The following SND1 variants were observed in gnomAD, a reference collection of about 807,000 sequenced individuals.
SND1 encodes the protein staphylococcal nuclease domain-containing protein 1.
A neutral mutation model predicts 121.7 loss-of-function variants in SND1; 38 were observed. The ratio of observed to expected loss-of-function variants is 0.31; its 90% CI spans 0.24 to 0.41. The LOEUF (loss-of-function observed/expected upper bound fraction) is 0.41, where lower values mean the gene tolerates loss of function less well. SND1 is among the 10% of genes least tolerant of loss of function. The pLI, the probability that SND1 is intolerant of heterozygous loss-of-function variation, is 1.00. For missense variants in SND1, 868 were observed against 1,184.6 expected (o/e 0.73, Z 3.92); for synonymous variants, 401 against 447.4 (o/e 0.90, Z 1.31).
chr7:127,860,868 G>A (rs1356893502), intron 12 of SND1, among the ~76,000 whole-genome samples: 2 of 152,164 alleles, frequency 1.3e-5, no homozygotes, highest in Admixed American at 6.5e-5. Context: ...AATGTCAGTT[G>A]GTGGGTTTAT....
rs558284955 is a variant in SND1, at chr7:127,889,429, T to G, written c.1454+1417T>G. 2.6e-5 allele frequency among the ~76,000 whole-genome samples: 4 copies of G among 152,186 alleles called. No individual in the cohort carries two copies. The South Asian group carries it at 8.3e-4, about 32-fold the overall frequency. The stretch of plus-strand genomic sequence containing the variant: ...ATGTATTTATGGGTTACATAAGATG[T>G]TTTGATACAGGCATGCAATGCGTAA... On this transcript the variant is annotated intron_variant, in intron 13 of 23. Coordinates refer to ENST00000354725, the MANE Select transcript of SND1 (RefSeq NM_014390.4).
chr7:127,748,735 A>G (rs1185179768), intron 10 of SND1, among the ~76,000 whole-genome samples: 1 of 152,204 alleles, frequency 6.6e-6, no homozygotes, highest in Non-Finnish European at 1.5e-5. Context: ...AGGCAGGAGA[A>G]AGTGTTTCAG....
At chr7:127,808,600 A>G (rs1174790818) in intron 11 of SND1, among the ~76,000 whole-genome samples, 1 of 152,230 alleles carries the variant, frequency 6.6e-6, no homozygotes, top group East Asian at 1.9e-4. Context: ...GAAGTTGGAC[A>G]TAAGGTAAAA....
At chr7:127,890,208 A>G (rs1322540654) in intron 13 of SND1, among the ~76,000 whole-genome samples, 2 of 152,064 alleles carry the variant, frequency 1.3e-5, no homozygotes, top group African/African-American at 4.8e-5. Context: ...TCTTTTGGAT[A>G]TAAGCCATTT....
chr7:127,730,729 G>A (rs1796660123), intron 10 of SND1, among the ~76,000 whole-genome samples: 1 of 152,096 alleles, frequency 6.6e-6, no homozygotes. Flanking sequence ...CAGATCTGTT[G>A]CTAACTAAAT....
chr7:127,835,608 G>T (rs1247073553), intron 11 of SND1, among the ~76,000 whole-genome samples: 1 of 152,074 alleles, frequency 6.6e-6, no homozygotes, highest in Non-Finnish European at 1.5e-5. Context: ...TGTATTAAAA[G>T]TAGGTATTGG....
chr7:127,777,601 G>T (rs1310519752), intron 10 of SND1, among the ~76,000 whole-genome samples: 1 of 152,174 alleles, frequency 6.6e-6, no homozygotes, highest in African/African-American at 2.4e-5. Context: ...TTACATTATT[G>T]ATTTCCAAAA....
At chr7:127,903,515 T>C (rs552836910) in intron 13 of SND1, among the ~76,000 whole-genome samples, 1 of 152,144 alleles carries the variant, frequency 6.6e-6, no homozygotes, top group East Asian at 1.9e-4. Flanking sequence ...AGGAAAACTT[T>C]TGTTGTTTCT....
At chr7:127,844,140 T>C (rs578117403) in intron 11 of SND1, among the ~76,000 whole-genome samples, 184 bp from the exon 12 acceptor site, 2 of 152,242 alleles carry the variant, frequency 1.3e-5, no homozygotes, top group Non-Finnish European at 2.9e-5. Flanking sequence ...ATTAGTTATG[T>C]CTTTTGCCAA....
intron 15 of SND1, among the ~76,000 whole-genome samples, chr7:127,967,112 T>G (rs560159387): frequency 2.7e-4 from 41 of 152,278 alleles, no homozygotes; most frequent in Admixed American, 2.5e-3. Flanking sequence ...TCAGTCACCC[T>G]CGGTTTCCCC....
chr7:128,066,208 G>T (rs1046647345), intron 16 of SND1, among the ~76,000 whole-genome samples: 3 of 152,182 alleles, frequency 2.0e-5, no homozygotes, highest in Non-Finnish European at 2.9e-5. Flanking sequence ...TCATCCCTGA[G>T]GTAGGGAAAA....
chr7:127,738,286 CTTTTTTTTTTTTT>C (rs889082580), intron 10 of SND1, among the ~76,000 whole-genome samples: 1 of 122,662 alleles, frequency 8.2e-6, no homozygotes, highest in South Asian at 2.6e-4. Flanking sequence ...TTTTTTTTTT[CTTTTTTTTTTTTT>C]TTGAGATGGA....
intron 16 of SND1, among the ~76,000 whole-genome samples, chr7:128,071,600 C>A (rs926272356): frequency 2.0e-5 from 3 of 152,208 alleles, no homozygotes; most frequent in Non-Finnish European, 2.9e-5. Context: ...CACACACATA[C>A]AACCTGCTTA....
At chr7:127,743,295 T>G (rs1796916327) in intron 10 of SND1, among the ~76,000 whole-genome samples, 1 of 152,256 alleles carries the variant, frequency 6.6e-6, no homozygotes, top group South Asian at 2.1e-4. Flanking sequence ...CTACAGTCTG[T>G]GGGAACCTCG....
chr7:128,022,248 G>C lies in SND1; in HGVS notation c.1779+31192G>C, dbSNP rs942037964. On this transcript the variant is annotated intron_variant, in intron 16 of 23. Coordinates refer to ENST00000354725, the MANE Select transcript of SND1 (RefSeq NM_014390.4). ...AAAAAGAAGGTAGGAGGGTATGAAA[G>C]AAACAAGTAGATCAAGTACTGTTTC... 4.3e-5 allele frequency among the ~76,000 whole-genome samples: 6 copies of C among 139,176 alleles called. No individual in the cohort carries two copies. In the South Asian group the frequency reaches 1.3e-3, roughly 29 times the overall value. The allele number at this position is 139,176 out of a possible 152,430, so 91.3% of individuals were successfully genotyped here. A position where few individuals can be genotyped will look rare whatever the true frequency, so the allele number is the denominator to read the frequency against.
chr7:127,694,638 C>G, intron 2 of SND1, 190 bp from the exon 3 acceptor site: 1 of 589,764 alleles, frequency 1.7e-6, no homozygotes. Flanking sequence ...CTGGACCCTC[C>G]TTTTTTTATG....
intron 10 of SND1, among the ~76,000 whole-genome samples, chr7:127,745,254 C>T (rs553177703): frequency 2.0e-5 from 3 of 152,134 alleles, no homozygotes; most frequent in African/African-American, 7.2e-5. Context: ...AGGCTGTAAA[C>T]CTGTACAGCA....
intron 15 of SND1, among the ~76,000 whole-genome samples, chr7:127,956,247 G>A (rs964978877): frequency 6.6e-6 from 1 of 152,138 alleles, no homozygotes; most frequent in African/African-American, 2.4e-5. Flanking sequence ...CTCCTGCGAA[G>A]TCTCTGCTCC....
chr7:127,739,750 G>C (rs561314587), intron 10 of SND1, among the ~76,000 whole-genome samples: 1 of 152,310 alleles, frequency 6.6e-6, no homozygotes, highest in South Asian at 2.1e-4. Flanking sequence ...TGCCCTGGAA[G>C]CCTATTTCTT....
Sources: gnomAD v4.1 joint callset for allele counts (sites outside exome capture counted in the v4.1 genomes callset) on GRCh38, gnomAD v4.1.1 for gene constraint, MANE v1.5 for transcripts, NCBI Gene and HGNC (gene_info 2026-07-23, HGNC 2026-07-21) for gene names.